SIN3A: variants seen among roughly 807,000 people sequenced by gnomAD.
The protein encoded by SIN3A is SIN3 transcription regulator family member A, also known as paired amphipathic helix protein Sin3a.
In SIN3A, 14 loss-of-function variants were observed where a neutral mutation model predicts 146.1. The ratio of observed to expected loss-of-function variants is 0.10; its 90% CI spans 0.06 to 0.15. The LOEUF (loss-of-function observed/expected upper bound fraction) is 0.15. Among genes scored for constraint, SIN3A ranks in the 10% least tolerant of loss-of-function variants. The pLI, the probability that SIN3A is intolerant of heterozygous loss-of-function variation, is 1.00. For synonymous variants in SIN3A, 572 were observed against 572.0 expected, an observed-to-expected ratio of 1.00 and a Z score of 0.00; for missense variants, 1,028 against 1,576.0, an observed-to-expected ratio of 0.65 and a Z score of 5.89.
rs536810065 is a variant in SIN3A at position 75,429,282 on chromosome 15, A to G, written c.189+905T>C. On this transcript the variant is annotated intron_variant, in intron 2 of 20. Transcript: ENST00000394947. ...CAAAAATCATAAAAATTAGCCAGGC[A>G]TGGTGGTGTGCACCTGTAGTCCTAG... 5.3e-5 allele frequency among the ~76,000 whole-genome samples: 8 copies of G among 152,240 alleles called. No homozygotes were observed. In the South Asian group the frequency reaches 1.7e-3, roughly 32 times the overall value.
intron 17 of SIN3A, chr15:75,384,042 A>G (rs1567321222): frequency 3.4e-6 from 1 of 294,338 alleles, no homozygotes; most frequent in African/African-American, 2.2e-5. Context: ...TGTAAAAATC[A>G]TATATAACTA....
intron 12 of SIN3A, among the ~76,000 whole-genome samples, chr15:75,398,164 G>A (rs1458080062): frequency 6.6e-6 from 1 of 152,146 alleles, no homozygotes; most frequent in African/African-American, 2.4e-5. Flanking sequence ...AGCACAGCCA[G>A]TCAATTTAAT....
intron 12 of SIN3A, among the ~76,000 whole-genome samples, chr15:75,399,565 AAAC>A (rs1028549820): frequency 4.6e-5 from 7 of 151,638 alleles, no homozygotes; most frequent in African/African-American, 1.7e-4. Context: ...AACAAACAAA[AAAC>A]AACAAAGCAA....
chr15:75,378,917 T>C (rs1280238824), intron 19 of SIN3A, among the ~76,000 whole-genome samples: 1 of 150,498 alleles, frequency 6.6e-6, no homozygotes, highest in Non-Finnish European at 1.5e-5. Flanking sequence ...TATTTTATTT[T>C]TGAGGCAGAG....
chr15:75,440,824 T>C (rs2074195288), intron 1 of SIN3A, among the ~76,000 whole-genome samples: 1 of 150,990 alleles, frequency 6.6e-6, no homozygotes, highest in Non-Finnish European at 1.5e-5. Flanking sequence ...TTACCAAAAA[T>C]ACAAAAAATT....
intron 1 of SIN3A, among the ~76,000 whole-genome samples, chr15:75,443,015 G>T (rs2074244055): frequency 1.3e-5 from 2 of 150,804 alleles, no homozygotes. Context: ...ACAGAATCTT[G>T]CTATGTTGCC....
intron 19 of SIN3A, among the ~76,000 whole-genome samples, chr15:75,376,873 A>C (rs1363128964): frequency 1.3e-5 from 2 of 151,434 alleles, no homozygotes; most frequent in Non-Finnish European, 1.5e-5. Flanking sequence ...AAAAAAAAAA[A>C]AAAAAAAAAA....
intron 1 of SIN3A, among the ~76,000 whole-genome samples, chr15:75,438,534 T>G (rs1052838651): frequency 8.6e-5 from 13 of 151,906 alleles, no homozygotes; most frequent in Admixed American, 5.9e-4. Flanking sequence ...AAAATTTTAT[T>G]AAAAATTAGC....
chr15:75,450,303 G>T (rs2074379369), intron 1 of SIN3A, among the ~76,000 whole-genome samples: 1 of 152,104 alleles, frequency 6.6e-6, no homozygotes, highest in African/African-American at 2.4e-5. Context: ...CCTTTTCAAG[G>T]CTAACTTCGT....
intron 20 of SIN3A, among the ~76,000 whole-genome samples, chr15:75,373,487 T>G (rs2072794023): frequency 6.6e-6 from 1 of 152,072 alleles, no homozygotes; most frequent in Non-Finnish European, 1.5e-5. Flanking sequence ...TCCTCCCTCT[T>G]CAGCCTACTC....
Position 75,392,891 on chromosome 15 carries a change from T to C in SIN3A, c.2278-76A>G, listed in dbSNP as rs1283361385. ...CATGTCTACAAGACCACATCAGCCA[T>C]ACATCCCATTATCAACCACAGTGTC... On this transcript the variant is annotated intron_variant, in intron 14 of 20. Transcript: ENST00000394947. The C allele has an allele frequency of 4.8e-6, 5 of 1,051,388 alleles. No individual in the cohort carries two copies. The Admixed American group carries it at 6.6e-5, about 14-fold the overall frequency. The allele number at this position is 1,051,388 out of a possible 1,614,324, so 65.1% of individuals were successfully genotyped here. A position where few individuals can be genotyped will look rare whatever the true frequency, so the allele number is the denominator to read the frequency against.
At chr15:75,381,151 ACACGACCCCCC>A (rs2072957535) in intron 18 of SIN3A, 1 of 178,744 alleles carries the variant, frequency 5.6e-6, no homozygotes, top group South Asian at 1.2e-4. Context: ...AAGTCATCCC[ACACGACCCCCC>A]CCAACATCAT....
intron 1 of SIN3A, among the ~76,000 whole-genome samples, chr15:75,447,046 C>T (rs1223367328): frequency 6.6e-6 from 1 of 152,220 alleles, no homozygotes; most frequent in South Asian, 2.1e-4. Flanking sequence ...GTATTACAGG[C>T]ATGGGCCACC....
chr15:75,389,640 C>G lies in SIN3A; in HGVS notation c.3021+12G>C, dbSNP rs974776629. 7 of 1,613,764 alleles carry G rather than the reference C, an allele frequency of 4.3e-6. No homozygotes were observed. The African/African-American group carries it at 8.0e-5, about 18-fold the overall frequency. ...CTTCCCTTACTCACCCTAGCCTCCTCCATGCCCTCACCTGTCTGACAATGC... is the reference window on the plus strand; with the variant it reads ...CTTCCCTTACTCACCCTAGCCTCCTGCATGCCCTCACCTGTCTGACAATGC... On this transcript the variant is annotated intron_variant, in intron 16 of 20. Coordinates refer to ENST00000394947, the MANE Select transcript of SIN3A (RefSeq NM_001145358.2).
chr15:75,426,385 T>G (rs2073926535), intron 2 of SIN3A, among the ~76,000 whole-genome samples: 1 of 152,186 alleles, frequency 6.6e-6, no homozygotes, highest in Admixed American at 6.5e-5. Context: ...TATACTAAAT[T>G]CCTAGAAATG....
Position 75,429,051 on chromosome 15 carries a change from G to A in SIN3A, c.189+1136C>T, listed in dbSNP as rs181135275. ...TATATGACAAATATACAAAATACATGCTAATCAACCATTTATGTTATCGGT... is the reference window on the plus strand; with the variant it reads ...TATATGACAAATATACAAAATACATACTAATCAACCATTTATGTTATCGGT... On this transcript the variant is annotated intron_variant, in intron 2 of 20. Transcript: ENST00000394947. 2.0e-3 allele frequency among the ~76,000 whole-genome samples: 307 copies of A among 152,178 alleles called. 3 individuals carry two copies. The highest frequency in any genetic ancestry group is 7.6e-4 in the Non-Finnish European group (52 of 68,016).
chr15:75,380,883 T>C, intron 18 of SIN3A, 160 bp from the exon 19 acceptor site: 1 of 581,330 alleles, frequency 1.7e-6, no homozygotes, highest in Non-Finnish European at 3.1e-6. Context: ...TAGTAGGTAT[T>C]GGAACACGGA....
At chr15:75,381,880 C>G (rs1321182781) in intron 17 of SIN3A, among the ~76,000 whole-genome samples, 175 bp from the exon 18 acceptor site, 1 of 152,044 alleles carries the variant, frequency 6.6e-6, no homozygotes, top group African/African-American at 2.4e-5. Context: ...TCTACACTTA[C>G]TACAAGTAAA....
intron 2 of SIN3A, among the ~76,000 whole-genome samples, chr15:75,429,555 T>C (rs927788329): frequency 4.6e-5 from 7 of 152,234 alleles, no homozygotes; most frequent in Non-Finnish European, 7.3e-5. Context: ...GCTGTCTTTT[T>C]TAAAAATAAA....
Sources: allele counts gnomAD v4.1 joint callset (sites outside exome capture counted in the v4.1 genomes callset), GRCh38; gene constraint gnomAD v4.1.1; transcripts MANE v1.5; gene names NCBI Gene and HGNC (gene_info 2026-07-23, HGNC 2026-07-21).